KCNH1: variants seen among roughly 807,000 people sequenced by gnomAD.
KCNH1 encodes potassium voltage-gated channel subfamily H member 1.
A neutral mutation model predicts 69.2 loss-of-function variants in KCNH1; 27 were observed. The ratio of observed to expected loss-of-function variants is 0.39; its 90% CI spans 0.29 to 0.54. KCNH1 has a LOEUF of 0.54. Among genes scored for constraint, KCNH1 ranks in the 20% least tolerant of loss-of-function variants. The pLI is 0.68. For synonymous variants in KCNH1, 456 were observed against 487.7 expected, an observed-to-expected ratio of 0.93 and a Z score of 0.86; for missense variants, 798 against 1,261.6, an observed-to-expected ratio of 0.63 and a Z score of 5.57.
chr1:211,032,274 T>A (rs1327820814), intron 5 of KCNH1, among the ~76,000 whole-genome samples: 16 of 152,184 alleles, frequency 1.1e-4, no homozygotes, highest in African/African-American at 3.9e-4. Flanking sequence ...ATACAAACAA[T>A]TGGAAGAACA....
chr1:211,099,328 G>C (rs1691216596), intron 3 of KCNH1, among the ~76,000 whole-genome samples: 1 of 151,048 alleles, frequency 6.6e-6, no homozygotes, highest in Admixed American at 6.6e-5. Context: ...TATATTTTTT[G>C]CATGCATTCA....
intron 4 of KCNH1, among the ~76,000 whole-genome samples, chr1:211,085,985 T>A (rs913967831): frequency 1.3e-5 from 2 of 152,174 alleles, no homozygotes; most frequent in Non-Finnish European, 2.9e-5. Context: ...ACCTGCTCCT[T>A]GTATTGAACC....
intron 10 of KCNH1, among the ~76,000 whole-genome samples, chr1:210,734,427 T>C (rs574892710): frequency 6.6e-6 from 1 of 152,094 alleles, no homozygotes; most frequent in South Asian, 2.1e-4. Context: ...AGAGAGAAAA[T>C]AGAGGCCCAG....
intron 5 of KCNH1, among the ~76,000 whole-genome samples, chr1:211,072,625 T>C (rs1289428272): frequency 6.6e-6 from 1 of 152,222 alleles, no homozygotes; most frequent in African/African-American, 2.4e-5. Context: ...ATCTTCCTAT[T>C]ATAAGGTACT....
intron 6 of KCNH1, among the ~76,000 whole-genome samples, chr1:210,925,831 T>A (rs887839348): frequency 3.3e-5 from 5 of 152,170 alleles, no homozygotes; most frequent in African/African-American, 1.2e-4. Context: ...TGGGAGCCTA[T>A]TGCACTGCCC....
At chr1:210,821,372 A>T (rs1311920218) in intron 7 of KCNH1, among the ~76,000 whole-genome samples, 1 of 152,238 alleles carries the variant, frequency 6.6e-6, no homozygotes, top group Non-Finnish European at 1.5e-5. Context: ...CTCTGTAGAG[A>T]ATCCACTCAT....
At chr1:210,975,020 ATTTT>A (rs1688578152) in intron 6 of KCNH1, among the ~76,000 whole-genome samples, 2 of 152,256 alleles carry the variant, frequency 1.3e-5, no homozygotes, top group Admixed American at 1.3e-4. Flanking sequence ...ATTTAAAAGT[ATTTT>A]TTATTAACCT....
chr1:210,996,891 G>T (rs1296332082), intron 6 of KCNH1, among the ~76,000 whole-genome samples: 1 of 152,202 alleles, frequency 6.6e-6, no homozygotes, highest in Admixed American at 6.5e-5. Context: ...CACCGCTGCT[G>T]ATACCCAGGC....
intron 10 of KCNH1, among the ~76,000 whole-genome samples, chr1:210,705,589 G>C (rs1681888544): frequency 6.6e-6 from 1 of 152,140 alleles, no homozygotes; most frequent in Admixed American, 6.5e-5. Context: ...AAAAAGAAAA[G>C]AGGCTAAAAC....
intron 2 of KCNH1, 55 bp from the exon 3 acceptor site, chr1:211,103,657 G>T: frequency 2.6e-6 from 3 of 1,136,286 alleles, no homozygotes; most frequent in Non-Finnish European, 3.9e-6. Flanking sequence ...TATTCTACAA[G>T]CATATGTTAA....
At chr1:210,714,039 A>G (rs1401471727) in intron 10 of KCNH1, among the ~76,000 whole-genome samples, 1 of 152,124 alleles carries the variant, frequency 6.6e-6, no homozygotes, top group Non-Finnish European at 1.5e-5. Context: ...CTACGGGGCT[A>G]ATATGCTGCC....
intron 7 of KCNH1, among the ~76,000 whole-genome samples, chr1:210,869,153 C>T (rs1272454802): frequency 6.6e-6 from 1 of 151,824 alleles, no homozygotes; most frequent in Non-Finnish European, 1.5e-5. Context: ...ATCTTTGTTC[C>T]TCTGTATGTA....
At chr1:210,958,375 C>T (rs1688222992) in intron 6 of KCNH1, among the ~76,000 whole-genome samples, 1 of 152,258 alleles carries the variant, frequency 6.6e-6, no homozygotes, top group South Asian at 2.1e-4. Context: ...GTGAATCTGA[C>T]AATTATGTGA....
At chr1:211,119,033 T>C (rs72741110) in intron 1 of KCNH1, among the ~76,000 whole-genome samples, 10,856 of 152,198 alleles carry the variant, frequency 0.071, 529 homozygotes, top group East Asian at 0.25. Flanking sequence ...GAAATAGAAT[T>C]ATAGATTTCT....
At chr1:210,719,229 A>T (rs1682390412) in intron 10 of KCNH1, among the ~76,000 whole-genome samples, 1 of 152,194 alleles carries the variant, frequency 6.6e-6, no homozygotes, top group South Asian at 2.1e-4. Flanking sequence ...ATCACCACAG[A>T]AAGTTGTATC....
intron 7 of KCNH1, among the ~76,000 whole-genome samples, chr1:210,913,736 G>A (rs1284332187): frequency 6.6e-6 from 1 of 152,188 alleles, no homozygotes; most frequent in Admixed American, 6.5e-5. Context: ...AGTTGAGGCT[G>A]ACACTACTGG....
chr1:210,697,735 C>T (rs372009707), intron 10 of KCNH1, among the ~76,000 whole-genome samples: 130 of 152,364 alleles, frequency 8.5e-4, no homozygotes, highest in Non-Finnish European at 1.3e-3. Flanking sequence ...CTCCTCACTC[C>T]TGGAGCCCAG....
At chr1:211,060,099 C>T (rs576903811) in intron 5 of KCNH1, among the ~76,000 whole-genome samples, 23 of 151,870 alleles carry the variant, frequency 1.5e-4, no homozygotes, top group Non-Finnish European at 2.9e-4. Context: ...ACTATACAAA[C>T]ACATGGAAAT....
In KCNH1 at chr1:210,856,274, G is replaced by A. The variant is rs538916831; in HGVS notation, c.1463-52108C>T. Among the ~76,000 whole-genome samples the A allele has an allele frequency of 7.6e-4, 115 of 152,208 alleles. 1 individual carries two copies. Among genetic ancestry groups the A allele is most frequent in the Admixed American group, 2.3e-3 (35 of 15,282 alleles). ...ATGTAGCACTCCCAAACCAGAGCCCGCCTGGAATAATCCCACTCACATAAT... is the reference window on the plus strand; with the variant it reads ...ATGTAGCACTCCCAAACCAGAGCCCACCTGGAATAATCCCACTCACATAAT... On this transcript the variant is annotated intron_variant, in intron 7 of 10. Transcript: ENST00000271751.
Sources: gnomAD v4.1 joint callset for allele counts (sites outside exome capture counted in the v4.1 genomes callset) on GRCh38, gnomAD v4.1.1 for gene constraint, MANE v1.5 for transcripts, NCBI Gene and HGNC (gene_info 2026-07-23, HGNC 2026-07-21) for gene names.